OSBPL1A: variants seen among roughly 807,000 people sequenced by gnomAD.
OSBPL1A encodes the protein oxysterol-binding protein-related protein 1.
OSBPL1A carries 80 observed loss-of-function variants against 137.1 expected under a neutral mutation model. The ratio of observed to expected loss-of-function variants is 0.58; its 90% confidence interval spans 0.49 to 0.70. The LOEUF is 0.70. Ranked by LOEUF, OSBPL1A falls within the 30% of genes least tolerant of loss-of-function variation. OSBPL1A has a pLI of 0.00. For synonymous variants in OSBPL1A, 365 were observed against 389.7 expected, an observed-to-expected ratio of 0.94 and a Z score of 0.75; for missense variants, 970 against 1,129.4, an observed-to-expected ratio of 0.86 and a Z score of 2.02.
chr18:24,195,716 A>G (rs2145944287), intron 18 of OSBPL1A, among the ~76,000 whole-genome samples: 1 of 152,310 alleles, frequency 6.6e-6, no homozygotes, highest in Middle Eastern at 3.4e-3. Flanking sequence ...AAGCAGAGAC[A>G]TATTCCAAAT....
intron 17 of OSBPL1A, among the ~76,000 whole-genome samples, chr18:24,200,431 G>A (rs1302820938): frequency 1.3e-5 from 2 of 151,828 alleles, no homozygotes; most frequent in African/African-American, 4.8e-5. Flanking sequence ...GTGCAGTGGT[G>A]GGTGCCTGTA....
chr18:24,176,681 C>G (rs1296086660), intron 21 of OSBPL1A, among the ~76,000 whole-genome samples: 3 of 152,188 alleles, frequency 2.0e-5, no homozygotes, highest in Admixed American at 2.0e-4. Flanking sequence ...TGACTCTCCT[C>G]CTGTGAGCTT....
At chr18:24,359,705 AT>A (rs1038605191) in intron 4 of OSBPL1A, among the ~76,000 whole-genome samples, 2 of 152,154 alleles carry the variant, frequency 1.3e-5, no homozygotes, top group Non-Finnish European at 2.9e-5. Flanking sequence ...TTAAAAAAAA[AT>A]AAAAGTATTC....
At chr18:24,357,172 A>G (rs1335359531) in intron 4 of OSBPL1A, 2 of 152,204 alleles carry the variant, frequency 1.3e-5, no homozygotes, top group Non-Finnish European at 2.9e-5. Context: ...CGCACCCAGG[A>G]GACAGACATC....
In OSBPL1A at chr18:24,225,036, T is replaced by A; in HGVS notation, c.1601+6A>T. The A allele has an allele frequency of 6.2e-7, 1 of 1,614,082 alleles. No homozygotes were observed. On this transcript the variant is annotated splice_donor_region_variant and intron_variant, in intron 17 of 27. Coordinates refer to ENST00000319481, the MANE Select transcript of OSBPL1A (RefSeq NM_080597.4). ...CAGCAGTGACAACTGTCAGAGGCGATCCTACCTGTGTTTCTTGATGCCATT... is the reference window on the plus strand; with the variant it reads ...CAGCAGTGACAACTGTCAGAGGCGAACCTACCTGTGTTTCTTGATGCCATT...
intron 17 of OSBPL1A, among the ~76,000 whole-genome samples, chr18:24,213,780 T>C (rs892121383): frequency 6.6e-6 from 1 of 152,214 alleles, no homozygotes; most frequent in Non-Finnish European, 1.5e-5. Flanking sequence ...TTGACTTTAA[T>C]AAGTTAAAAT....
At chr18:24,297,890 T>C (rs931850827) in intron 14 of OSBPL1A, among the ~76,000 whole-genome samples, 5 of 152,170 alleles carry the variant, frequency 3.3e-5, no homozygotes, top group Admixed American at 3.3e-4. Context: ...TTGTCAGAGA[T>C]GTGTGAACCA....
intron 11 of OSBPL1A, among the ~76,000 whole-genome samples, chr18:24,315,843 AT>A (rs1166234989): frequency 1.7e-5 from 2 of 118,660 alleles, no homozygotes; most frequent in Non-Finnish European, 3.3e-5. Context: ...TATATATTAT[AT>A]AATAAAATAT....
chr18:24,245,062 A>G (rs2088841536), intron 15 of OSBPL1A, among the ~76,000 whole-genome samples: 1 of 152,158 alleles, frequency 6.6e-6, no homozygotes, highest in South Asian at 2.1e-4. Flanking sequence ...GGATGGCTAC[A>G]ATTAACAAAA....
rs202115016 is a variant in OSBPL1A at position 24,167,374 on chromosome 18, G to A, written c.2490C>T (p.Ser830=). The part of the protein sequence containing the change: ...DSESVFIIPG[S]VLLWRIAPRP... ...GTGGGGCTATTCGCCATAGAAGAACGCTTCCAGGGATAATGAATACACTTT... is the reference window on the plus strand; with the variant it reads ...GTGGGGCTATTCGCCATAGAAGAACACTTCCAGGGATAATGAATACACTTT... The change falls in exon 25 of 28, where the codon AGC becomes AGT. Residue 830 remains serine, a synonymous_variant. Coordinates refer to ENST00000319481, the MANE Select transcript of OSBPL1A (RefSeq NM_080597.4). The A allele has an allele frequency of 3.6e-4, 584 of 1,614,218 alleles. 5 individuals carry two copies. The South Asian group carries it at 5.7e-3, about 16-fold the overall frequency.
At chr18:24,216,403 A>T (rs2087700684) in intron 17 of OSBPL1A, among the ~76,000 whole-genome samples, 1 of 152,212 alleles carries the variant, frequency 6.6e-6, no homozygotes, top group South Asian at 2.1e-4. Context: ...GCTACCTGGG[A>T]GGCTGAGGCA....
chr18:24,291,851 G>A (rs996047712), intron 14 of OSBPL1A, among the ~76,000 whole-genome samples: 3 of 151,050 alleles, frequency 2.0e-5, no homozygotes, highest in Non-Finnish European at 2.9e-5. Flanking sequence ...TCAGGAGTTC[G>A]AGACCAGCCT....
intron 21 of OSBPL1A, among the ~76,000 whole-genome samples, chr18:24,175,144 A>G (rs1312795978): frequency 1.4e-5 from 2 of 140,280 alleles, no homozygotes; most frequent in African/African-American, 5.6e-5. Context: ...ATACACATAT[A>G]TATATATATA....
chr18:24,390,694 C>CAAAAAAAA (rs751432894), intron 1 of OSBPL1A, among the ~76,000 whole-genome samples: 2 of 56,212 alleles, frequency 3.6e-5, no homozygotes, highest in African/African-American at 7.1e-5. Flanking sequence ...GACTCCGTCT[C>CAAAAAAAA]AAAAAAAAAA....
chr18:24,253,165 GGC>G (rs1491022992), intron 15 of OSBPL1A, among the ~76,000 whole-genome samples: 1,406 of 20,716 alleles, frequency 0.068, 189 homozygotes, highest in South Asian at 0.12. Context: ...GAAAAGACAT[GGC>G]GGGGGGGGGC....
intron 15 of OSBPL1A, among the ~76,000 whole-genome samples, chr18:24,277,659 G>A (rs536099354): frequency 6.6e-6 from 1 of 152,284 alleles, no homozygotes; most frequent in South Asian, 2.1e-4. Context: ...TAATAGACAT[G>A]TAATTTATAA....
At chr18:24,313,365 A>G (rs2090660818) in intron 12 of OSBPL1A, among the ~76,000 whole-genome samples, 2 of 151,310 alleles carry the variant, frequency 1.3e-5, no homozygotes, top group South Asian at 2.1e-4. Context: ...CACTTGACCC[A>G]GGGAGGCAGA....
At chr18:24,252,998 A>T (rs2089147172) in intron 15 of OSBPL1A, among the ~76,000 whole-genome samples, 1 of 152,072 alleles carries the variant, frequency 6.6e-6, no homozygotes. Flanking sequence ...AAATTAAATC[A>T]TACCACCAGA....
At chr18:24,270,352 A>G (rs2089687967) in intron 15 of OSBPL1A, among the ~76,000 whole-genome samples, 1 of 152,210 alleles carries the variant, frequency 6.6e-6, no homozygotes, top group Non-Finnish European at 1.5e-5. Flanking sequence ...CCTTTGCTTT[A>G]ATATGGAAAA....
Sources: gnomAD v4.1 joint callset for allele counts (sites outside exome capture counted in the v4.1 genomes callset) on GRCh38, gnomAD v4.1.1 for gene constraint, MANE v1.5 for transcripts, NCBI Gene and HGNC (gene_info 2026-07-23, HGNC 2026-07-21) for gene names.